The following PREP variants were observed in gnomAD, a reference collection of about 807,000 sequenced individuals.
PREP encodes dJ355L5.1 (prolyl endopeptidase).
In PREP, 29 loss-of-function variants were observed where a neutral mutation model predicts 87.6. That is an observed-to-expected ratio of 0.33 (90% confidence interval 0.25 to 0.45). PREP has a LOEUF of 0.45. PREP is among the 20% of genes least tolerant of loss of function. The pLI, the probability that PREP is intolerant of heterozygous loss-of-function variation, is 1.00. For synonymous variants in PREP, 337 were observed against 328.6 expected (o/e 1.03, Z -0.28); for missense variants, 695 against 886.5 (o/e 0.78, Z 2.74).
At chr6:105,323,820 AG>A in intron 9 of PREP, 52 bp from the exon 10 acceptor site, 1 of 1,446,046 alleles carries the variant, frequency 6.9e-7, no homozygotes. Context: ...CTAGATTCAA[AG>A]GGGGCAAGGA....
intron 5 of PREP, among the ~76,000 whole-genome samples, chr6:105,370,108 C>T (rs1037101517): frequency 4.0e-5 from 6 of 151,590 alleles, no homozygotes; most frequent in Non-Finnish European, 8.8e-5. Context: ...AAAAATTAGC[C>T]GGGTGGGGTG....
intron 5 of PREP, among the ~76,000 whole-genome samples, chr6:105,372,770 C>A (rs1229716445): frequency 6.6e-6 from 1 of 152,078 alleles, no homozygotes; most frequent in African/African-American, 2.4e-5. Context: ...AAAAATTCAC[C>A]TTCTCCATAA....
intron 10 of PREP, among the ~76,000 whole-genome samples, chr6:105,300,418 T>C (rs1175695778): frequency 6.6e-6 from 1 of 152,182 alleles, no homozygotes; most frequent in Non-Finnish European, 1.5e-5. Flanking sequence ...AAAATTCCAT[T>C]TCAATAGTAT....
intron 10 of PREP, among the ~76,000 whole-genome samples, chr6:105,315,646 G>T (rs1486699501): frequency 6.6e-6 from 1 of 152,226 alleles, no homozygotes; most frequent in Non-Finnish European, 1.5e-5. Flanking sequence ...AGCTATGAAA[G>T]TCCTAGATGA....
At chr6:105,348,193 T>C (rs570960204) in intron 7 of PREP, among the ~76,000 whole-genome samples, 1 of 151,120 alleles carries the variant, frequency 6.6e-6, no homozygotes, top group South Asian at 2.1e-4. Context: ...TCACACAATA[T>C]AAAGGAATGA....
chr6:105,388,591 G>A (rs965223776), intron 2 of PREP, among the ~76,000 whole-genome samples: 1 of 152,112 alleles, frequency 6.6e-6, no homozygotes, highest in Non-Finnish European at 1.5e-5. Context: ...CAGAAGGAAG[G>A]TGTTCCCTAA....
At chr6:105,309,666 G>A (rs1332785941) in intron 10 of PREP, among the ~76,000 whole-genome samples, 3 of 152,122 alleles carry the variant, frequency 2.0e-5, no homozygotes, top group African/African-American at 4.8e-5. Flanking sequence ...AGGTCTCACA[G>A]AAGGAGAGCA....
At position 105,322,628 on chromosome 6, in the gene PREP, C is replaced by T. The variant is rs551517360; in HGVS notation, c.1317+1037G>A. ...CTGGGACATAGAGTTTCTGTTGCAA[C>T]CACTCTAAGTGCCAAAGCAACCACA... On this transcript the variant is annotated intron_variant, in intron 10 of 14. Transcript: ENST00000652536. 4.0e-6 allele frequency: 4 copies of T among 987,662 alleles called. No homozygotes were observed. In the African/African-American group the frequency reaches 7.0e-5, roughly 17 times the overall value. The allele number at this position is 987,662 out of a possible 1,614,324, so 61.2% of individuals were successfully genotyped here. A position where few individuals can be genotyped will look rare whatever the true frequency, so the allele number is the denominator to read the frequency against.
At chr6:105,281,960 A>C in intron 13 of PREP, 58 bp from the exon 14 acceptor site, 6 of 1,581,592 alleles carry the variant, frequency 3.8e-6, no homozygotes, top group Non-Finnish European at 5.2e-6. Flanking sequence ...ATCTACATAA[A>C]CAAGGCAAGG....
chr6:105,278,351 G>A lies in PREP; in HGVS notation c.1926C>T (p.Asp642=), dbSNP rs377412305. 5.0e-5 allele frequency: 80 copies of A among 1,614,100 alleles called. No homozygotes were observed. The highest frequency in any genetic ancestry group is 1.6e-4 in the Middle Eastern group (1 of 6,084). Residue 642 remains aspartate, a synonymous_variant, in exon 15 of 15, where the codon GAC becomes GAT. Transcript: ENST00000652536. This position sits in a 1 kb window ranked among gnomAD's most constrained non-coding sequence, Gnocchi z 4.2. The stretch of plus-strand genomic sequence containing the variant: ...TCAGGGAGTGAAGCGGGACCACGCG[G>A]TCATCATGGTCAGCAGTGAGGAGCA... The part of the protein sequence containing the change: ...SMLLLTADHD[D]RVVPLHSLKF...
At chr6:105,322,959 G>A (rs893793074) in intron 10 of PREP, 38 of 1,282,582 alleles carry the variant, frequency 3.0e-5, no homozygotes, top group Admixed American at 7.6e-5. Context: ...CCTAATCTGT[G>A]GCCTGTGTGG....
chr6:105,292,394 G>A (rs1434530354), intron 10 of PREP, among the ~76,000 whole-genome samples: 2 of 152,210 alleles, frequency 1.3e-5, no homozygotes, highest in Non-Finnish European at 2.9e-5. Flanking sequence ...CTCCATCAGA[G>A]TTCTTGGGTG....
In PREP at chr6:105,377,420, GATAA is replaced by G; in HGVS notation, c.216_219del (p.Tyr73ProfsTer33). 6.2e-7 allele frequency: 1 copy of G among 1,613,094 alleles called. No homozygotes were observed. Among genetic ancestry groups the G allele is most frequent in the Non-Finnish European group, 8.5e-7 (1 of 1,179,500 alleles). ...TTCTTGAAGTGGCAACTATACTTGG[GATAA>G]TCATATAGTTCAGTCATTCTCTCTT... is the stretch of plus-strand genomic sequence containing the variant. On this transcript the variant is annotated frameshift_variant, in exon 3 of 15. Coordinates refer to ENST00000652536, the MANE Select transcript of PREP (RefSeq NM_002726.5). LOFTEE classifies it high-confidence loss of function.
intron 7 of PREP, among the ~76,000 whole-genome samples, chr6:105,347,286 G>C (rs1384207672): frequency 6.6e-6 from 1 of 152,350 alleles, no homozygotes; most frequent in East Asian, 1.9e-4. Flanking sequence ...CCATCCAGCA[G>C]ATGGGGAGCA....
At chr6:105,289,945 G>A (rs1770266170) in intron 10 of PREP, among the ~76,000 whole-genome samples, 1 of 152,112 alleles carries the variant, frequency 6.6e-6, no homozygotes, top group African/African-American at 2.4e-5. Flanking sequence ...TAACCATGGT[G>A]GGGGAAGGGC....
intron 5 of PREP, among the ~76,000 whole-genome samples, chr6:105,370,805 T>A (rs1772518413): frequency 6.6e-6 from 1 of 152,276 alleles, no homozygotes; most frequent in African/African-American, 2.4e-5. Context: ...CTACAGGATG[T>A]TCTGGAAAAG....
At chr6:105,400,528 T>G (rs1174178900) in intron 1 of PREP, among the ~76,000 whole-genome samples, 2 of 152,180 alleles carry the variant, frequency 1.3e-5, no homozygotes, top group Non-Finnish European at 2.9e-5. Context: ...GAATGTCCTT[T>G]GTCCCTTACC....
At chr6:105,401,175 T>C (rs1773420344) in intron 1 of PREP, among the ~76,000 whole-genome samples, 1 of 152,196 alleles carries the variant, frequency 6.6e-6, no homozygotes, top group South Asian at 2.1e-4. Context: ...CACTTAAACC[T>C]TTCATGAAAT....
intron 6 of PREP, among the ~76,000 whole-genome samples, chr6:105,359,885 C>T (rs1467995596): frequency 6.6e-6 from 1 of 152,146 alleles, no homozygotes; most frequent in African/African-American, 2.4e-5. Context: ...TGAAGTTCTC[C>T]CTCTGCTGCG....
Sources: allele counts gnomAD v4.1 joint callset (sites outside exome capture counted in the v4.1 genomes callset), GRCh38; gene constraint gnomAD v4.1.1; non-coding constraint Gnocchi (gnomAD v3.1); transcripts MANE v1.5; gene names NCBI Gene and HGNC (gene_info 2026-07-23, HGNC 2026-07-21).